The following CNDP2 variants were observed in gnomAD, a reference collection of about 807,000 sequenced individuals.
The protein encoded by CNDP2 is carnosine dipeptidase 2, also known as cytosolic non-specific dipeptidase.
Under a neutral mutation model 55.0 loss-of-function variants are expected in CNDP2, and 38 were observed. That is an observed-to-expected ratio of 0.69 (90% CI 0.53 to 0.90). The LOEUF is 0.90. CNDP2 is among the 40% of genes least tolerant of loss of function. CNDP2 has a pLI of 0.00. For missense variants in CNDP2, 607 were observed against 621.7 expected (o/e 0.98, Z 0.25); for synonymous variants, 241 against 260.2 (o/e 0.93, Z 0.71).
Position 74,519,004 on chromosome 18 carries a change from G to T in CNDP2, c.1266G>T (p.Leu422Phe). ...TREGGSIPVT[L>F]TFQEATGKNV... is the part of the protein sequence containing the mutation. ...AAGGCGGCAGTATTCCCGTGACCTT[G>T]ACCTTTCAGGAGGCCACGGGCAAGA... The change falls in exon 11 of 12, where the codon TTG becomes TTT. Residue 422 changes from leucine (L) to phenylalanine (F), a missense_variant. Leu to Phe is a conservative substitution (Grantham distance 22). Transcript: ENST00000324262. The T allele has an allele frequency of 6.2e-7, 1 of 1,614,140 alleles. No homozygotes were observed. The highest frequency in any genetic ancestry group is 8.5e-7 in the Non-Finnish European group (1 of 1,180,036).
rs537543001 is a variant in CNDP2, at chr18:74,522,343, A to G, written c.*2275A>G. 1.3e-5 allele frequency: 2 copies of G among 152,384 alleles called. No individual in the cohort carries two copies. The highest frequency in any genetic ancestry group is 1.9e-4 in the East Asian group (1 of 5,186). 9.4% of individuals were successfully genotyped at this position (152,384 alleles called of 1,614,324 possible). Reference sequence around the variant, plus strand: ...TCTTTCAGCTTCTAATCCTGCAAAAAGAACTGCATGGTCTTCCCCCAGAAA... The same window carrying G: ...TCTTTCAGCTTCTAATCCTGCAAAAGGAACTGCATGGTCTTCCCCCAGAAA... On this transcript the variant is annotated 3_prime_UTR_variant, in exon 12 of 12. Coordinates refer to ENST00000324262, the MANE Select transcript of CNDP2 (RefSeq NM_018235.3).
intron 3 of CNDP2, among the ~76,000 whole-genome samples, chr18:74,503,413 G>A (rs1978824515): frequency 6.6e-6 from 1 of 152,186 alleles, no homozygotes; most frequent in Admixed American, 6.5e-5. Flanking sequence ...CAGGGGTGAA[G>A]GTGGAAGTGG....
rs1436179676 is a variant in CNDP2 at position 74,509,186 on chromosome 18, G to A, written c.456+258G>A. The A allele has an allele frequency of 1.3e-5, 6 of 463,470 alleles. No individual in the cohort carries two copies. In the South Asian group the frequency reaches 1.3e-4, roughly 10 times the overall value. The allele number at this position is 463,470 out of a possible 1,614,324, so 28.7% of individuals were successfully genotyped here. On this transcript the variant is annotated intron_variant, in intron 5 of 11. Coordinates refer to ENST00000324262, the MANE Select transcript of CNDP2 (RefSeq NM_018235.3). Reference sequence around the variant, plus strand: ...GCGACTCAGCGTGATTTTTGCCACCGCATGAAATGTGACTTTTCAGTCCCT... The same window carrying A: ...GCGACTCAGCGTGATTTTTGCCACCACATGAAATGTGACTTTTCAGTCCCT...
intron 5 of CNDP2, among the ~76,000 whole-genome samples, chr18:74,510,371 C>A (rs991473627): frequency 2.6e-4 from 40 of 152,194 alleles, no homozygotes; most frequent in African/African-American, 9.4e-4. Context: ...CACAATGATC[C>A]AGACACACGG....
rs752331822 is a variant in CNDP2, at chr18:74,518,932, A to C, written c.1211-17A>C. 7 of 1,543,418 alleles carry C rather than the reference A, an allele frequency of 4.5e-6. No homozygotes were observed. In the East Asian group the frequency reaches 7.3e-5, roughly 16 times the overall value. ...GGCCCCAAAGCTCACCGTTTATTTTATTTCATTTCCCCCCAGTTTTTGGTG... is the reference window on the plus strand; with the variant it reads ...GGCCCCAAAGCTCACCGTTTATTTTCTTTCATTTCCCCCCAGTTTTTGGTG... On this transcript the variant is annotated splice_polypyrimidine_tract_variant and intron_variant, in intron 10 of 11. Coordinates refer to ENST00000324262, the MANE Select transcript of CNDP2 (RefSeq NM_018235.3).
intron 1 of CNDP2, among the ~76,000 whole-genome samples, chr18:74,498,288 C>A (rs1051856586): frequency 1.3e-5 from 2 of 152,142 alleles, no homozygotes; most frequent in Non-Finnish European, 2.9e-5. Flanking sequence ...TAGCCTATTG[C>A]TCCTAGGCTA....
chr18:74,520,982 C>G lies in CNDP2; in HGVS notation c.*914C>G, dbSNP rs1419974654. The G allele has an allele frequency of 6.6e-6, 1 of 152,206 alleles. No individual in the cohort carries two copies. The highest frequency in any genetic ancestry group is 1.5e-5 in the Non-Finnish European group (1 of 68,052). The allele number at this position is 152,206 out of a possible 1,614,324, so 9.4% of individuals were successfully genotyped here. On this transcript the variant is annotated 3_prime_UTR_variant, in exon 12 of 12. Coordinates refer to ENST00000324262, the MANE Select transcript of CNDP2 (RefSeq NM_018235.3). ...CTCTGATCTCTCGCTATCTGCGGGT[C>G]CTGTCCTTTTCTCAAGACCTTCACC...
rs370596772 is a variant in CNDP2, at chr18:74,501,385, C to T, written c.117C>T (p.Gly39=). 28 of 1,613,956 alleles carry T rather than the reference C, an allele frequency of 1.7e-5. No individual in the cohort carries two copies. Among genetic ancestry groups the T allele is most frequent in the Middle Eastern group, 1.7e-4 (1 of 6,058 alleles). Reference sequence around the variant, plus strand: ...TGTCTGCGTGGCCGGAGAAGAGAGGCGAAATCAGGAGGATGATGGAAGTTG... The same window carrying T: ...TGTCTGCGTGGCCGGAGAAGAGAGGTGAAATCAGGAGGATGATGGAAGTTG... ...QSVSAWPEKR[G]EIRRMMEVAA... The change falls in exon 3 of 12, where the codon GGC becomes GGT. Residue 39 remains glycine, a synonymous_variant. Coordinates refer to ENST00000324262, the MANE Select transcript of CNDP2 (RefSeq NM_018235.3).
In CNDP2 at chr18:74,521,940, A is replaced by G. The variant is rs1980073670; in HGVS notation, c.*1872A>G. On this transcript the variant is annotated 3_prime_UTR_variant, in exon 12 of 12. Coordinates refer to ENST00000324262, the MANE Select transcript of CNDP2 (RefSeq NM_018235.3). ...CAAAATGAACCTCAGCAGTAATGAC[A>G]CGTCCACATCAGCACCCCCAACACC... 6.6e-6 allele frequency: 1 copy of G among 152,368 alleles called. No individual in the cohort carries two copies. Among genetic ancestry groups the G allele is most frequent in the Non-Finnish European group, 1.5e-5 (1 of 68,078 alleles). The allele number at this position is 152,368 out of a possible 1,614,324, so 9.4% of individuals were successfully genotyped here.
chr18:74,519,115 G>T lies in CNDP2; in HGVS notation c.1358+19G>T, dbSNP rs1979903588. ...TCAACAGGTGAGAGTCCAGGGTGCG[G>T]CCCAGGTTGGCGTCTCCTGCACAGC... On this transcript the variant is annotated intron_variant, in intron 11 of 11. Transcript: ENST00000324262. The T allele has an allele frequency of 6.3e-7, 1 of 1,589,738 alleles. No homozygotes were observed. Among genetic ancestry groups the T allele is most frequent in the Admixed American group, 1.7e-5 (1 of 58,490 alleles).
At chr18:74,496,954 C>T (rs2144563247) in intron 1 of CNDP2, among the ~76,000 whole-genome samples, 1 of 152,296 alleles carries the variant, frequency 6.6e-6, no homozygotes, top group East Asian at 1.9e-4. Context: ...TAGCTCCCGC[C>T]AGCATTTGAG....
rs1167904167 is a variant in CNDP2 at position 74,520,480 on chromosome 18, C to T, written c.*412C>T. 1 of 185,724 alleles carries T rather than the reference C, an allele frequency of 5.4e-6. No homozygotes were observed. 11.5% of individuals were successfully genotyped at this position (185,724 alleles called of 1,614,324 possible). A position where few individuals can be genotyped will look rare whatever the true frequency, so the allele number is the denominator to read the frequency against. On this transcript the variant is annotated 3_prime_UTR_variant, in exon 12 of 12. Transcript: ENST00000324262. ...GACAAGCCTAGGCAACAAAACAAGA[C>T]TCTGTCTCTACAAAAAGTTTAAGAA...
In CNDP2 at chr18:74,520,307, G is replaced by A. The variant is rs545859282; in HGVS notation, c.*239G>A. On this transcript the variant is annotated 3_prime_UTR_variant, in exon 12 of 12. Coordinates refer to ENST00000324262, the MANE Select transcript of CNDP2 (RefSeq NM_018235.3). ...CTGGGTAAGTTCTCAGAGTGGTCAG[G>A]ATGGCTTGACCTGCAGAAGATACCC... 6.0e-6 allele frequency: 3 copies of A among 500,848 alleles called. No individual in the cohort carries two copies. The East Asian group carries it at 1.1e-4, about 18-fold the overall frequency. The allele number at this position is 500,848 out of a possible 1,614,324, so 31.0% of individuals were successfully genotyped here. A position where few individuals can be genotyped will look rare whatever the true frequency, so the allele number is the denominator to read the frequency against.
chr18:74,501,111 G>A (rs2144572421), intron 2 of CNDP2: 6 of 1,043,060 alleles, frequency 5.8e-6, no homozygotes, highest in Non-Finnish European at 4.9e-6. Context: ...GGTACTGAGT[G>A]TAAAACAATA....
Position 74,519,981 on chromosome 18 carries a change from T to G in CNDP2, c.1359-18T>G. The stretch of plus-strand genomic sequence containing the variant: ...CTCACGACACCAGCCAACACAATGA[T>G]GTGTTCCTCTCTACCAGGTATAACT... On this transcript the variant is annotated intron_variant, in intron 11 of 11. Transcript: ENST00000324262. 1.2e-6 allele frequency: 2 copies of G among 1,612,628 alleles called. No individual in the cohort carries two copies. Among genetic ancestry groups the G allele is most frequent in the Non-Finnish European group, 1.7e-6 (2 of 1,179,150 alleles).
chr18:74,514,591 C>T (rs74558537), intron 8 of CNDP2, among the ~76,000 whole-genome samples: 6 of 74,646 alleles, frequency 8.0e-5, no homozygotes, highest in African/African-American at 1.7e-4. Context: ...TTACGTGGTA[C>T]GTATGTAAGT....
chr18:74,500,136 G>T, intron 2 of CNDP2, 103 bp downstream of exon 2: 1 of 961,902 alleles, frequency 1.0e-6, no homozygotes, highest in East Asian at 2.6e-5. Flanking sequence ...TTAAATCCAG[G>T]GTTAGAAGAT....
rs1460532870 is a variant in CNDP2 at position 74,521,425 on chromosome 18, A to G, written c.*1357A>G. On this transcript the variant is annotated 3_prime_UTR_variant, in exon 12 of 12. Coordinates refer to ENST00000324262, the MANE Select transcript of CNDP2 (RefSeq NM_018235.3). The stretch of plus-strand genomic sequence containing the variant: ...GACATAAAAGAACAGAGTAAACTCA[A>G]TGAAAGGAAAAGGCTCCTTGAAGTG... The G allele has an allele frequency of 1.3e-5, 2 of 152,312 alleles. No homozygotes were observed. Among genetic ancestry groups the G allele is most frequent in the African/African-American group, 4.8e-5 (2 of 41,474 alleles). The allele number at this position is 152,312 out of a possible 1,614,324, so 9.4% of individuals were successfully genotyped here.
At chr18:74,501,591 C>A in intron 3 of CNDP2, 119 bp downstream of exon 3, 8 of 1,321,044 alleles carry the variant, frequency 6.1e-6, no homozygotes, top group Admixed American at 2.6e-5. Context: ...ACCTTTAAAA[C>A]AAAAAAGGAA....
Sources: gnomAD v4.1 joint callset for allele counts (sites outside exome capture counted in the v4.1 genomes callset) on GRCh38, gnomAD v4.1.1 for gene constraint, MANE v1.5 for transcripts, NCBI Gene and HGNC (gene_info 2026-07-23, HGNC 2026-07-21) for gene names.